The following CDC20B variants were observed in gnomAD, a reference collection of about 807,000 sequenced individuals.
The protein encoded by CDC20B is cell division cycle 20B.
CDC20B carries 58 observed loss-of-function variants against 64.1 expected under a neutral mutation model. That is an observed-to-expected ratio of 0.90 (90% confidence interval 0.73 to 1.13). The LOEUF (loss-of-function observed/expected upper bound fraction) is 1.13. Among genes scored for constraint, CDC20B ranks in the 50% most tolerant of loss-of-function variants. The pLI, the probability that CDC20B is intolerant of heterozygous loss-of-function variation, is 0.00. For synonymous variants in CDC20B, 243 were observed against 230.6 expected, an observed-to-expected ratio of 1.05 and a Z score of -0.49; for missense variants, 597 against 633.0, an observed-to-expected ratio of 0.94 and a Z score of 0.61.
At position 55,118,309 on chromosome 5, in the gene CDC20B, G is replaced by C. The variant is rs149719965; in HGVS notation, c.1459+1492C>G. Among the ~76,000 whole-genome samples the C allele has an allele frequency of 3.3e-5, 5 of 152,248 alleles. No homozygotes were observed. In the East Asian group the frequency reaches 9.7e-4, roughly 29 times the overall value. On this transcript the variant is annotated intron_variant, in intron 11 of 11. Transcript: ENST00000381375. The stretch of plus-strand genomic sequence containing the variant: ...AAACTAATGGGTTAGAGATAAAAAT[G>C]AGTGTCTAAGAGCTCAAAAGTAACC...
At chr5:55,168,699 A>T (rs188197879) in intron 2 of CDC20B, among the ~76,000 whole-genome samples, 2 of 152,316 alleles carry the variant, frequency 1.3e-5, no homozygotes, top group African/African-American at 4.8e-5. Context: ...ACTTAAAAAA[A>T]TTTAAGTTGG....
At chr5:55,160,156 T>G in intron 2 of CDC20B, 1 of 1,515,618 alleles carries the variant, frequency 6.6e-7, no homozygotes, top group Non-Finnish European at 9.2e-7. Context: ...CTCCTTGAAT[T>G]CCAGGCTGCT....
intron 6 of CDC20B, 129 bp from the exon 7 acceptor site, chr5:55,128,746 G>T: frequency 1.6e-6 from 1 of 634,734 alleles, no homozygotes; most frequent in Non-Finnish European, 2.4e-6. Flanking sequence ...TGGAAACATG[G>T]AACCATGAAA....
chr5:55,112,994 T>A lies in CDC20B; in HGVS notation c.*1224A>T, dbSNP rs139561220. ...TTCAAACAGTAATAAAAGATTTTTTTAAACAGCTATAATAGTATAATAATA... is the reference window on the plus strand; with the variant it reads ...TTCAAACAGTAATAAAAGATTTTTTAAAACAGCTATAATAGTATAATAATA... On this transcript the variant is annotated 3_prime_UTR_variant, in exon 12 of 12. Coordinates refer to ENST00000381375, the MANE Select transcript of CDC20B (RefSeq NM_001170402.1). The A allele has an allele frequency of 5.6e-4, 85 of 152,292 alleles. No homozygotes were observed. The highest frequency in any genetic ancestry group is 1.9e-3 in the African/African-American group (81 of 41,562). The allele number at this position is 152,292 out of a possible 1,614,324, so 9.4% of individuals were successfully genotyped here. A position where few individuals can be genotyped will look rare whatever the true frequency, so the allele number is the denominator to read the frequency against.
At chr5:55,156,260 A>AT (rs1445484900) in intron 2 of CDC20B, among the ~76,000 whole-genome samples, 1 of 152,082 alleles carries the variant, frequency 6.6e-6, no homozygotes. Context: ...CACCCTTCAT[A>AT]TGTGGGGATT....
intron 2 of CDC20B, among the ~76,000 whole-genome samples, chr5:55,148,800 C>T (rs1329060415): frequency 5.9e-5 from 9 of 152,234 alleles, no homozygotes; most frequent in African/African-American, 2.2e-4. Flanking sequence ...ACCATATGTA[C>T]AGGGTTTTAC....
Position 55,113,276 on chromosome 5 carries a change from T to C in CDC20B, c.*942A>G, listed in dbSNP as rs1742548741. On this transcript the variant is annotated 3_prime_UTR_variant, in exon 12 of 12. Transcript: ENST00000381375. ...ATCAAGTTTGAAGGAACCTTAGCAG[T>C]GATCAAATTCCTATCCTTGCAGATG... 6.6e-6 allele frequency: 1 copy of C among 152,220 alleles called. No individual in the cohort carries two copies. The highest frequency in any genetic ancestry group is 2.4e-5 in the African/African-American group (1 of 41,446). The allele number at this position is 152,220 out of a possible 1,614,324, so 9.4% of individuals were successfully genotyped here. A position where few individuals can be genotyped will look rare whatever the true frequency, so the allele number is the denominator to read the frequency against.
Position 55,113,988 on chromosome 5 carries a change from G to T in CDC20B, c.*230C>A. On this transcript the variant is annotated 3_prime_UTR_variant, in exon 12 of 12. Transcript: ENST00000381375. ...GGGGTAAGAATGGGAGGAAGAAGAG[G>T]AGGGGGAGGAAGAGGGGCAGAAAGA... 1 of 591,526 alleles carries T rather than the reference G, an allele frequency of 1.7e-6. No homozygotes were observed. 36.6% of individuals were successfully genotyped at this position (591,526 alleles called of 1,614,324 possible).
chr5:55,132,110 A>C (rs1244683421), intron 6 of CDC20B, among the ~76,000 whole-genome samples: 1 of 152,204 alleles, frequency 6.6e-6, no homozygotes, highest in Middle Eastern at 3.2e-3. Flanking sequence ...AAATGGGAAC[A>C]AACATTGTTT....
Position 55,172,648 on chromosome 5 carries a change from T to C in CDC20B, c.66A>G (p.Glu22=). 6.2e-7 allele frequency: 1 copy of C among 1,610,586 alleles called. No homozygotes were observed. Residue 22 remains glutamate, a splice_region_variant and synonymous_variant, in exon 2 of 12, where the codon GAA becomes GAG. Transcript: ENST00000381375. ...RVRTEEEMLW[E]SIMRVLSKDL... is the part of the protein sequence containing the mutation. ...CTTTGGAGAGCACACGCATGATACT[T>C]TCCTTTGAAAACACAGATAACATAT...
intron 1 of CDC20B, 50 bp downstream of exon 1, chr5:55,172,888 C>T (rs1476618199): frequency 1.3e-6 from 2 of 1,494,200 alleles, no homozygotes; most frequent in South Asian, 1.2e-5. Flanking sequence ...ACGGGGCCTT[C>T]GGCCCCGCAT....
rs183836791 is a variant in CDC20B at position 55,120,272 on chromosome 5, G to A, written c.1341+153C>T. 2.0e-3 allele frequency among the ~76,000 whole-genome samples: 297 copies of A among 152,254 alleles called. 2 individuals are homozygous for A. The Middle Eastern group carries it at 0.02, about 10-fold the overall frequency. The stretch of plus-strand genomic sequence containing the variant: ...TAACTTTGAACTCACAAATGAAGAG[G>A]TTTTTACAATAAAAAGAAACTCTTG... On this transcript the variant is annotated intron_variant, in intron 10 of 11. Transcript: ENST00000381375.
chr5:55,125,045 C>CA lies in CDC20B; in HGVS notation c.990-18dup, dbSNP rs760777063. On this transcript the variant is annotated splice_polypyrimidine_tract_variant and intron_variant, in intron 8 of 11. Transcript: ENST00000381375. ...CTTGACCCACTGCGAGTTTACATAA[C>CA]AAAAAAATTAAGCCCTGTTGCTACA... The CA allele has an allele frequency of 3.1e-6, 5 of 1,595,188 alleles. No individual in the cohort carries two copies. The highest frequency in any genetic ancestry group is 1.7e-5 in the Admixed American group (1 of 58,832).
intron 6 of CDC20B, among the ~76,000 whole-genome samples, chr5:55,130,414 G>C (rs1363683560): frequency 2.6e-5 from 4 of 152,182 alleles, no homozygotes; most frequent in Non-Finnish European, 4.4e-5. Flanking sequence ...ATATGTGTAA[G>C]TAGAGTCAGG....
intron 3 of CDC20B, among the ~76,000 whole-genome samples, chr5:55,145,730 T>C (rs995043852): frequency 3.3e-5 from 5 of 151,726 alleles, no homozygotes; most frequent in Admixed American, 3.3e-4. Context: ...TTCTTTCTTC[T>C]TTCTTCCTCC....
intron 2 of CDC20B, chr5:55,160,351 G>A: frequency 6.2e-7 from 1 of 1,613,390 alleles, no homozygotes; most frequent in Non-Finnish European, 8.5e-7. Context: ...TTGAAGTGAA[G>A]GATGCAAAAG....
chr5:55,126,903 A>T (rs1048475666), intron 8 of CDC20B, among the ~76,000 whole-genome samples: 5 of 152,216 alleles, frequency 3.3e-5, no homozygotes, highest in African/African-American at 9.6e-5. Flanking sequence ...AGCTTAACAT[A>T]TTCCATAGTA....
chr5:55,164,184 G>A (rs1744252857), intron 2 of CDC20B: 8 of 1,567,540 alleles, frequency 5.1e-6, no homozygotes, highest in Non-Finnish European at 4.3e-6. Flanking sequence ...GCTCTGGTTA[G>A]ACAAGTGATC....
chr5:55,148,993 G>A (rs112481458), intron 2 of CDC20B, among the ~76,000 whole-genome samples: 2 of 152,334 alleles, frequency 1.3e-5, no homozygotes, highest in African/African-American at 4.8e-5. Flanking sequence ...GAGAACATGA[G>A]GGTGTGTACT....
Sources: gnomAD v4.1 joint callset for allele counts (sites outside exome capture counted in the v4.1 genomes callset) on GRCh38, gnomAD v4.1.1 for gene constraint, MANE v1.5 for transcripts, NCBI Gene and HGNC (gene_info 2026-07-23, HGNC 2026-07-21) for gene names.